Variants in ZNF484 observed in about 807,000 individuals in gnomAD.
ZNF484 encodes the protein KRAB box containing C2H2 type zinc finger bA526D8.4.
Under a neutral mutation model 12.9 loss-of-function variants are expected in ZNF484, and 11 were observed. The observed-to-expected ratio is 0.85, with a 90% CI of 0.54 to 1.41. ZNF484 has a LOEUF of 1.41. ZNF484 is among the 40% of genes most tolerant of loss of function. The pLI is 0.00. For missense variants in ZNF484, 807 were observed against 1,007.7 expected (o/e 0.80, Z 2.70); for synonymous variants, 289 against 334.1 (o/e 0.86, Z 1.47).
chr9:92,874,297 T>C (rs907855023), intron 2 of ZNF484, among the ~76,000 whole-genome samples: 1 of 130,342 alleles, frequency 7.7e-6, no homozygotes, highest in Non-Finnish European at 1.6e-5. Flanking sequence ...TAGTGCACGT[T>C]CTTTCTTTCT....
At position 92,848,337 on chromosome 9, in the gene ZNF484, G is replaced by C; in HGVS notation, c.450C>G (p.Asp150Glu). The C allele has an allele frequency of 6.2e-7, 1 of 1,614,078 alleles. No individual in the cohort carries two copies. The highest frequency in any genetic ancestry group is 8.5e-7 in the Non-Finnish European group (1 of 1,180,000). ...VFINKKTLAN[D>E]SIFEYKDIGE... is the part of the protein sequence containing the mutation. The stretch of plus-strand genomic sequence containing the variant: ...CAATGTCCTTATATTCAAAGATGCT[G>C]TCATTAGCTAGTGTTTTCTTGTTAA... The change falls in exon 5 of 5, where the codon GAC becomes GAG. Residue 150 changes from aspartate to glutamate, a missense_variant. Physicochemically the swap from Asp to Glu is conservative, Grantham distance 45. Coordinates refer to ENST00000375495, the MANE Select transcript of ZNF484 (RefSeq NM_031486.4). This position sits in a 1 kb window ranked among gnomAD's most constrained non-coding sequence, Gnocchi z 4.1.
At chr9:92,857,352 A>G (rs1190270024) in intron 2 of ZNF484, among the ~76,000 whole-genome samples, 1 of 152,016 alleles carries the variant, frequency 6.6e-6, no homozygotes, top group Non-Finnish European at 1.5e-5. Context: ...CTGGATTCTC[A>G]TTTTGTCCTG....
chr9:92,856,374 TC>T (rs1229219711), intron 2 of ZNF484, 56 bp from the exon 3 acceptor site: 75 of 1,378,852 alleles, frequency 5.4e-5, no homozygotes, highest in Admixed American at 3.1e-4. Flanking sequence ...ATATTTGAAT[TC>T]AAAAAAAAAA....
chr9:92,861,586 G>C (rs1415622970), intron 2 of ZNF484, among the ~76,000 whole-genome samples: 1 of 152,136 alleles, frequency 6.6e-6, no homozygotes, highest in East Asian at 1.9e-4. Flanking sequence ...TTACCTGTAA[G>C]ATAGATAAAC....
At chr9:92,862,231 T>TATG in intron 2 of ZNF484, 1 of 731,934 alleles carries the variant, frequency 1.4e-6, no homozygotes, top group Non-Finnish European at 1.7e-6. Context: ...CTTAGGTAAT[T>TATG]CTTAGGAATT....
In ZNF484 at chr9:92,872,048, T is replaced by C. The variant is rs993511834; in HGVS notation, c.15+2967A>G. 7.2e-5 allele frequency among the ~76,000 whole-genome samples: 11 copies of C among 152,096 alleles called. No homozygotes were observed. In the East Asian group the frequency reaches 2.1e-3, roughly 29 times the overall value. On this transcript the variant is annotated intron_variant, in intron 2 of 4. Transcript: ENST00000375495. ...GAGTTTGAGACCAGCCTGACCAACA[T>C]GGAGAAACCCCGTCTCTACTAAAAC...
At chr9:92,856,054 C>G in intron 3 of ZNF484, 138 bp downstream of exon 3, 1 of 1,382,626 alleles carries the variant, frequency 7.2e-7, no homozygotes, top group Non-Finnish European at 1.0e-6. Context: ...AGGACAAAAC[C>G]ATTACACACT....
chr9:92,859,498 C>G (rs1009951272), intron 2 of ZNF484, among the ~76,000 whole-genome samples: 1 of 152,132 alleles, frequency 6.6e-6, no homozygotes, highest in African/African-American at 2.4e-5. Context: ...CTGGAAGAAC[C>G]AATGAGCACA....
intron 2 of ZNF484, among the ~76,000 whole-genome samples, chr9:92,870,335 C>G (rs536385031): frequency 6.6e-6 from 1 of 152,228 alleles, no homozygotes; most frequent in East Asian, 1.9e-4. Context: ...AGGAAAGGGG[C>G]AACAGAGAAA....
Position 92,846,234 on chromosome 9 carries a change from A to T in ZNF484, c.2553T>A (p.Ser851=). The T allele has an allele frequency of 6.2e-7, 1 of 1,612,356 alleles. No homozygotes were observed. The highest frequency in any genetic ancestry group is 1.3e-5 in the African/African-American group (1 of 74,948). The change falls in exon 5 of 5, where the codon TCT becomes TCA. Residue 851 remains serine (S), a synonymous_variant. Transcript: ENST00000375495. The part of the protein sequence containing the change: ...DSEGDQGQLS[S]I The stretch of plus-strand genomic sequence containing the variant: ...CAGATGTTCATAATTCTAACTAGAT[A>T]GAAGAAAGTTGGCCTTGGTCACCTT...
At chr9:92,860,603 CA>C (rs66491279) in intron 2 of ZNF484, among the ~76,000 whole-genome samples, 72 of 91,840 alleles carry the variant, frequency 7.8e-4, no homozygotes, top group Middle Eastern at 5.7e-3. Context: ...GACTCCATCT[CA>C]AAAAAAAAAA....
intron 2 of ZNF484, among the ~76,000 whole-genome samples, chr9:92,871,855 A>C (rs1857451856): frequency 6.6e-6 from 1 of 152,236 alleles, no homozygotes; most frequent in Non-Finnish European, 1.5e-5. Flanking sequence ...AGGTGGCTAA[A>C]TCGGCTGTCC....
At chr9:92,858,040 T>A (rs913859315) in intron 2 of ZNF484, among the ~76,000 whole-genome samples, 1 of 152,034 alleles carries the variant, frequency 6.6e-6, no homozygotes, top group Non-Finnish European at 1.5e-5. Flanking sequence ...GCCTACAACT[T>A]ATTATACACA....
rs753967932 is a variant in ZNF484 at position 92,847,239 on chromosome 9, T to G, written c.1548A>C (p.Lys516Asn). Reference sequence around the variant, plus strand: ...TATAAGGTTTCTCTCCAGTATGAATTTTTTGGTGCTTAATGAGATTTGACC... The same window carrying G: ...TATAAGGTTTCTCTCCAGTATGAATGTTTTGGTGCTTAATGAGATTTGACC... ...TDRSNLIKHQ[K>N]IHTGEKPYKC... The change falls in exon 5 of 5, where the codon AAA (lysine) becomes AAC (asparagine). Residue 516 changes from lysine (K) to asparagine (N), a missense_variant. By Grantham distance (94) the Lys-to-Asn change is moderately conservative. Coordinates refer to ENST00000375495, the MANE Select transcript of ZNF484 (RefSeq NM_031486.4). The G allele has an allele frequency of 1.2e-6, 2 of 1,614,166 alleles. No individual in the cohort carries two copies. Among genetic ancestry groups the G allele is most frequent in the East Asian group, 4.5e-5 (2 of 44,874 alleles).
intron 4 of ZNF484, among the ~76,000 whole-genome samples, chr9:92,852,718 G>T (rs1856180549): frequency 6.6e-6 from 1 of 151,662 alleles, no homozygotes; most frequent in Non-Finnish European, 1.5e-5. Flanking sequence ...CATACTTTTA[G>T]TAGAGATGGG....
intron 2 of ZNF484, among the ~76,000 whole-genome samples, chr9:92,867,662 T>C (rs1209417544): frequency 6.6e-6 from 1 of 152,158 alleles, no homozygotes; most frequent in Non-Finnish European, 1.5e-5. Flanking sequence ...CCATGAATAT[T>C]AGAAAGATCA....
intron 4 of ZNF484, among the ~76,000 whole-genome samples, chr9:92,851,532 T>C (rs1475229932): frequency 6.6e-6 from 1 of 152,174 alleles, no homozygotes; most frequent in Non-Finnish European, 1.5e-5. Context: ...GCCTATTTAC[T>C]TTTGTGCCTT....
At chr9:92,866,880 C>T (rs1857112970) in intron 2 of ZNF484, among the ~76,000 whole-genome samples, 1 of 152,172 alleles carries the variant, frequency 6.6e-6, no homozygotes, top group Non-Finnish European at 1.5e-5. Flanking sequence ...TCTCAGCAAA[C>T]TAACACAGGA....
rs951431752 is a variant in ZNF484 at position 92,844,829 on chromosome 9, G to T, written c.*1399C>A. Among the ~76,000 whole-genome samples, 12 of 152,182 alleles carry T rather than the reference G, an allele frequency of 7.9e-5. No homozygotes were observed. The highest frequency in any genetic ancestry group is 6.8e-3 in the Middle Eastern group (2 of 292). ...AGTAAGAAGCAAAATAATTCTAGAG[G>T]AAAACTTAAAGGACAGGAAGGAATA... is the stretch of plus-strand genomic sequence containing the variant. On this transcript the variant is annotated 3_prime_UTR_variant, in exon 5 of 5. Transcript: ENST00000375495.
Sources: gnomAD v4.1 joint callset for allele counts (sites outside exome capture counted in the v4.1 genomes callset) on GRCh38, gnomAD v4.1.1 for gene constraint, Gnocchi (gnomAD v3.1) non-coding constraint, MANE v1.5 for transcripts, NCBI Gene and HGNC (gene_info 2026-07-23, HGNC 2026-07-21) for gene names.